TRHDE: variants seen among roughly 807,000 people sequenced by gnomAD.
TRHDE encodes the protein thyrotropin-releasing hormone-degrading ectoenzyme.
TRHDE carries 72 observed loss-of-function variants against 125.7 expected under a neutral mutation model. The ratio of observed to expected loss-of-function variants is 0.57; its 90% confidence interval spans 0.47 to 0.70. The LOEUF is 0.70. Among genes scored for constraint, TRHDE ranks in the 30% least tolerant of loss-of-function variants. TRHDE has a pLI of 0.00. For missense variants in TRHDE, 1,110 were observed against 1,327.1 expected, an observed-to-expected ratio of 0.84 and a Z score of 2.54; for synonymous variants, 509 against 509.1, an observed-to-expected ratio of 1.00 and a Z score of 0.00.
chr12:72,114,166 G>GAA (rs143492802), intron 2 of TRHDE, among the ~76,000 whole-genome samples: 3 of 132,564 alleles, frequency 2.3e-5, no homozygotes, highest in South Asian at 5.3e-4. Flanking sequence ...TTTGGGGAAT[G>GAA]AAAAAAAAAA....
At position 72,579,213 on chromosome 12, in the gene TRHDE, T is replaced by G. The variant is rs567318893; in HGVS notation, c.2321+3671T>G. Among the ~76,000 whole-genome samples, 74 of 152,152 alleles carry G rather than the reference T, an allele frequency of 4.9e-4. No individual in the cohort carries two copies. The South Asian group carries it at 0.015, about 32-fold the overall frequency. On this transcript the variant is annotated intron_variant, in intron 12 of 18. Coordinates refer to ENST00000261180, the MANE Select transcript of TRHDE (RefSeq NM_013381.3). ...ATTAGAAATTATATTCTGAAGCCTT[T>G]TCCAATTTAACCCTCCATCAACCAT... is the stretch of plus-strand genomic sequence containing the variant.
intron 2 of TRHDE, chr12:72,309,759 A>G (rs566215926): frequency 1.9e-4 from 29 of 151,724 alleles, no homozygotes; most frequent in African/African-American, 6.8e-4. Context: ...GAGTTTTTTG[A>G]TACTGCAGAG....
At chr12:72,544,831 C>T (rs1869334321) in intron 7 of TRHDE, among the ~76,000 whole-genome samples, 2 of 151,496 alleles carry the variant, frequency 1.3e-5, no homozygotes, top group South Asian at 4.1e-4. Context: ...GGTTAGTTCA[C>T]ATACTCATAT....
intron 2 of TRHDE, among the ~76,000 whole-genome samples, chr12:72,141,602 C>T (rs755744086): frequency 5.9e-5 from 9 of 152,210 alleles, no homozygotes; most frequent in African/African-American, 2.2e-4. Context: ...TTCATTCACT[C>T]GTATCTGTTG....
chr12:72,640,287 C>G (rs888089580), intron 15 of TRHDE, among the ~76,000 whole-genome samples: 2 of 152,232 alleles, frequency 1.3e-5, no homozygotes, highest in African/African-American at 2.4e-5. Context: ...TCTGTCACCC[C>G]TTTCTTTGAC....
At chr12:72,200,298 T>A (rs1877530516) in intron 2 of TRHDE, among the ~76,000 whole-genome samples, 2 of 151,864 alleles carry the variant, frequency 1.3e-5, no homozygotes, top group Admixed American at 6.6e-5. Context: ...AGAGGGAAGG[T>A]GAGATAGAAA....
chr12:72,213,603 C>T (rs143021959), intron 2 of TRHDE, among the ~76,000 whole-genome samples: 43 of 152,184 alleles, frequency 2.8e-4, no homozygotes, highest in Non-Finnish European at 3.2e-4. Flanking sequence ...CTGTACCATG[C>T]CATTGGTTAT....
intron 3 of TRHDE, among the ~76,000 whole-genome samples, chr12:72,437,727 T>G (rs1246753280): frequency 3.3e-5 from 5 of 151,818 alleles, no homozygotes. Flanking sequence ...TATAGTGGAG[T>G]AACTAAATCT....
At chr12:72,257,113 T>C (rs1332387821) in intron 2 of TRHDE, 1 of 152,178 alleles carries the variant, frequency 6.6e-6, no homozygotes, top group Admixed American at 6.5e-5. Flanking sequence ...TGATTATCCT[T>C]TCATTATTAT....
rs1356258174 is a variant in TRHDE at position 72,669,409 on chromosome 12, G to C, written c.*6214G>C. ...AAGTGCTTTGACTTGCCTCTGCAGA[G>C]GTCAACTTATTTCTCATCACACACA... On this transcript the variant is annotated 3_prime_UTR_variant, in exon 19 of 19. Coordinates refer to ENST00000261180, the MANE Select transcript of TRHDE (RefSeq NM_013381.3). 6.6e-6 allele frequency: 1 copy of C among 151,724 alleles called. No individual in the cohort carries two copies. Among genetic ancestry groups the C allele is most frequent in the Non-Finnish European group, 1.5e-5 (1 of 67,830 alleles). 9.4% of individuals were successfully genotyped at this position (151,724 alleles called of 1,614,324 possible). A position where few individuals can be genotyped will look rare whatever the true frequency, so the allele number is the denominator to read the frequency against.
intron 15 of TRHDE, among the ~76,000 whole-genome samples, chr12:72,630,234 T>A (rs915202030): frequency 4.0e-5 from 6 of 151,682 alleles, no homozygotes; most frequent in Non-Finnish European, 7.4e-5. Flanking sequence ...TTGTTGCAGA[T>A]GTAAAAAGTT....
intron 2 of TRHDE, among the ~76,000 whole-genome samples, chr12:72,298,517 C>A (rs2135682852): frequency 6.6e-6 from 1 of 152,182 alleles, no homozygotes; most frequent in African/African-American, 2.4e-5. Flanking sequence ...TTCTTTAGGA[C>A]TTTTACTTTA....
Position 72,664,314 on chromosome 12 carries a change from C to A in TRHDE, c.*1119C>A, listed in dbSNP as rs1875032930. ...AGTAGTCCAGAGAGTTAAAAAAATTCTCTGCATGTTGGTCTTTTAAGTCTG... is the reference window on the plus strand; with the variant it reads ...AGTAGTCCAGAGAGTTAAAAAAATTATCTGCATGTTGGTCTTTTAAGTCTG... On this transcript the variant is annotated 3_prime_UTR_variant, in exon 19 of 19. Transcript: ENST00000261180. 1 of 152,512 alleles carries A rather than the reference C, an allele frequency of 6.6e-6. No individual in the cohort carries two copies. The highest frequency in any genetic ancestry group is 2.4e-5 in the African/African-American group (1 of 41,426). The allele number at this position is 152,512 out of a possible 1,614,324, so 9.4% of individuals were successfully genotyped here.
chr12:72,568,537 T>G (rs1167086446), intron 9 of TRHDE, 31 bp from the exon 10 acceptor site: 1 of 1,530,132 alleles, frequency 6.5e-7, no homozygotes, highest in African/African-American at 1.4e-5. Flanking sequence ...ATAGTTATTT[T>G]TATTCTTAAA....
chr12:72,492,932 T>C (rs1022028742), intron 5 of TRHDE, among the ~76,000 whole-genome samples: 1 of 151,934 alleles, frequency 6.6e-6, no homozygotes, highest in African/African-American at 2.4e-5. Context: ...CAGTATTTTA[T>C]ACTATTAATA....
chr12:72,130,725 G>T lies in TRHDE; in HGVS notation n.279+24973G>T, dbSNP rs141470935. On this transcript the variant is annotated intron_variant and non_coding_transcript_variant, in intron 2 of 4. Transcript: ENST00000548156. The stretch of plus-strand genomic sequence containing the variant: ...CAAGGAAAGTTCAAAAAATGCGATA[G>T]AAAAATGAGCACAGGGTATGGCTAT... Among the ~76,000 whole-genome samples the T allele has an allele frequency of 2.7e-4, 41 of 152,244 alleles. No homozygotes were observed. In the East Asian group the frequency reaches 6.4e-3, roughly 24 times the overall value.
At chr12:72,372,409 C>A (rs1220493681) in intron 2 of TRHDE, among the ~76,000 whole-genome samples, 2 of 152,098 alleles carry the variant, frequency 1.3e-5, no homozygotes, top group Admixed American at 1.3e-4. Context: ...TCCCATTTGT[C>A]AATTTTGGCT....
chr12:72,113,173 A>C (rs962990525), intron 2 of TRHDE, among the ~76,000 whole-genome samples: 2 of 151,916 alleles, frequency 1.3e-5, no homozygotes, highest in Non-Finnish European at 2.9e-5. Flanking sequence ...GCACATCACC[A>C]TACCTGGCTA....
rs551668625 is a variant in TRHDE, at chr12:72,557,425, T to C, written c.1789-4740T>C. ...TAAATACTCCTATTTTAAAAGTCATTCTAGGGTGGATGTTTATTACTTGCA... is the reference window on the plus strand; with the variant it reads ...TAAATACTCCTATTTTAAAAGTCATCCTAGGGTGGATGTTTATTACTTGCA... On this transcript the variant is annotated intron_variant, in intron 7 of 18. Transcript: ENST00000261180. 2.0e-5 allele frequency among the ~76,000 whole-genome samples: 3 copies of C among 152,262 alleles called. No individual in the cohort carries two copies. In the East Asian group the frequency reaches 5.8e-4, roughly 29 times the overall value.
Sources: gnomAD v4.1 joint callset for allele counts (sites outside exome capture counted in the v4.1 genomes callset) on GRCh38, gnomAD v4.1.1 for gene constraint, MANE v1.5 for transcripts, NCBI Gene and HGNC (gene_info 2026-07-23, HGNC 2026-07-21) for gene names.